TMEM229B: variants seen among roughly 807,000 people sequenced by gnomAD.
TMEM229B encodes chromosome 14 open reading frame 83.
A neutral mutation model predicts 13.7 loss-of-function variants in TMEM229B; 6 were observed. That is an observed-to-expected ratio of 0.44 (90% CI 0.24 to 0.86). The LOEUF (loss-of-function observed/expected upper bound fraction) is 0.86, where lower values mean the gene tolerates loss of function less well. TMEM229B is among the 40% of genes least tolerant of loss of function. The pLI, the probability that TMEM229B is intolerant of heterozygous loss-of-function variation, is 0.23. For missense variants in TMEM229B, 170 were observed against 236.0 expected (o/e 0.72, Z 1.83); for synonymous variants, 107 against 102.1 (o/e 1.05, Z -0.29).
At chr14:67,520,665 A>T (rs1011077786) in intron 1 of TMEM229B, among the ~76,000 whole-genome samples, 1 of 152,000 alleles carries the variant, frequency 6.6e-6, no homozygotes, top group Non-Finnish European at 1.5e-5. Flanking sequence ...TTTTATGTGG[A>T]CATAAATTTC....
intron 1 of TMEM229B, among the ~76,000 whole-genome samples, chr14:67,513,956 C>G (rs2033113818): frequency 6.6e-6 from 1 of 152,136 alleles, no homozygotes; most frequent in Admixed American, 6.5e-5. Flanking sequence ...CTGTACCACC[C>G]CCAAGGCAGG....
intron 1 of TMEM229B, among the ~76,000 whole-genome samples, chr14:67,504,564 A>G (rs1290002678): frequency 6.6e-6 from 1 of 152,154 alleles, no homozygotes; most frequent in East Asian, 1.9e-4. Context: ...TGATACACAT[A>G]TAACAAGATG....
chr14:67,513,654 T>C (rs375451358), intron 1 of TMEM229B, among the ~76,000 whole-genome samples: 29 of 152,230 alleles, frequency 1.9e-4, no homozygotes, highest in African/African-American at 6.3e-4. Context: ...AGGCCCACCC[T>C]GGCCCAACCT....
At chr14:67,514,458 G>T (rs548855170) in intron 1 of TMEM229B, among the ~76,000 whole-genome samples, 41 of 152,296 alleles carry the variant, frequency 2.7e-4, no homozygotes, top group Admixed American at 7.2e-4. Context: ...GCAGCCAGGG[G>T]GCTGGGCTGG....
upstream of TMEM229B, among the ~76,000 whole-genome samples, chr14:67,490,010 G>T (rs2104054): frequency 0.62 from 93,901 of 151,226 alleles, 29,602 homozygotes; most frequent in African/African-American, 0.73. Flanking sequence ...AAAAAATTCT[G>T]TCTATGTGTC....
At chr14:67,522,109 G>T (rs974656158) in intron 1 of TMEM229B, among the ~76,000 whole-genome samples, 1 of 152,206 alleles carries the variant, frequency 6.6e-6, no homozygotes, top group Non-Finnish European at 1.5e-5. Context: ...GGAGGCGGAG[G>T]TTGCAGTGAG....
At chr14:67,519,735 T>C (rs946883350), upstream of TMEM229B, among the ~76,000 whole-genome samples, 4 of 152,040 alleles carry the variant, frequency 2.6e-5, no homozygotes, top group Non-Finnish European at 2.9e-5. Context: ...TTTTTACTTT[T>C]TTTTTGAGAC....
chr14:67,497,219 G>A (rs2032425926), intron 1 of TMEM229B, among the ~76,000 whole-genome samples: 1 of 152,120 alleles, frequency 6.6e-6, no homozygotes, highest in South Asian at 2.1e-4. Context: ...GGGTTGTCTG[G>A]GGTCACGGGA....
upstream of TMEM229B, among the ~76,000 whole-genome samples, chr14:67,488,980 C>G (rs2032039610): frequency 6.6e-6 from 1 of 152,192 alleles, no homozygotes; most frequent in Non-Finnish European, 1.5e-5. Context: ...TAAGCTGTCC[C>G]TAGGCCTCAC....
At chr14:67,500,446 A>G (rs1160782520) in intron 1 of TMEM229B, among the ~76,000 whole-genome samples, 4 of 152,264 alleles carry the variant, frequency 2.6e-5, no homozygotes, top group African/African-American at 4.8e-5. Flanking sequence ...TTGCACTCCA[A>G]TCAGGGCAAC....
chr14:67,479,810 A>T, intron 2 of TMEM229B, among the ~76,000 whole-genome samples: 1 of 152,238 alleles, frequency 6.6e-6, no homozygotes, highest in Admixed American at 6.5e-5. Context: ...TGCTAAGCAA[A>T]TGAACCCAAA....
intron 1 of TMEM229B, among the ~76,000 whole-genome samples, chr14:67,513,522 C>T (rs906553889): frequency 5.3e-5 from 8 of 152,224 alleles, no homozygotes; most frequent in Non-Finnish European, 8.8e-5. Flanking sequence ...CCCCACCCAA[C>T]GCCTGCCATG....
intron 2 of TMEM229B, among the ~76,000 whole-genome samples, chr14:67,479,585 G>T (rs771194518): frequency 6.6e-6 from 1 of 151,970 alleles, no homozygotes; most frequent in Non-Finnish European, 1.5e-5. Context: ...GGGCATGGTG[G>T]CATGCACCTG....
At chr14:67,532,035 C>T (rs2033475610) in intron 1 of TMEM229B, among the ~76,000 whole-genome samples, 2 of 151,984 alleles carry the variant, frequency 1.3e-5, no homozygotes, top group Admixed American at 1.3e-4. Flanking sequence ...TGAGCATTGT[C>T]CCACAAAATG....
chr14:67,490,336 C>T (rs966364655), upstream of TMEM229B, among the ~76,000 whole-genome samples: 13 of 152,196 alleles, frequency 8.5e-5, no homozygotes, highest in Admixed American at 5.2e-4. Flanking sequence ...GCAGAGTGGG[C>T]GGCCTGGGTT....
chr14:67,523,051 G>A (rs761483075), intron 1 of TMEM229B, among the ~76,000 whole-genome samples: 29 of 152,186 alleles, frequency 1.9e-4, no homozygotes, highest in African/African-American at 2.7e-4. Context: ...CAGGCTGGGC[G>A]CGGTGGCTCA....
At chr14:67,507,999 G>T (rs539920620) in intron 1 of TMEM229B, among the ~76,000 whole-genome samples, 1 of 152,050 alleles carries the variant, frequency 6.6e-6, no homozygotes, top group Non-Finnish European at 1.5e-5. Context: ...TTAGCCGGAC[G>T]TGGGGGCGCA....
chr14:67,496,209 T>G (rs2032357512), intron 1 of TMEM229B, among the ~76,000 whole-genome samples: 1 of 151,892 alleles, frequency 6.6e-6, no homozygotes, highest in Admixed American at 6.6e-5. Context: ...TTTTAAAAAT[T>G]TTGTATCTAT....
chr14:67,521,254 G>T lies in TMEM229B; in HGVS notation c.-192+12382C>A, dbSNP rs1429158223. Among the ~76,000 whole-genome samples, 4 of 152,236 alleles carry T rather than the reference G, an allele frequency of 2.6e-5. No individual in the cohort carries two copies. The East Asian group carries it at 7.7e-4, about 29-fold the overall frequency. ...CTTCATAAATTACATTACAAAGTCA[G>T]ACTTCTGTATAGCTGTGAGCTATGC... On this transcript the variant is annotated intron_variant, in intron 1 of 2. Coordinates refer to the TMEM229B transcript ENST00000554278.
Sources: allele counts gnomAD v4.1 joint callset (sites outside exome capture counted in the v4.1 genomes callset), GRCh38; gene constraint gnomAD v4.1.1; transcripts MANE v1.5; gene names NCBI Gene and HGNC (gene_info 2026-07-23, HGNC 2026-07-21).